The following SMURF2 variants were observed in gnomAD, a reference collection of about 807,000 sequenced individuals.
SMURF2 encodes the protein E3 ubiquitin-protein ligase SMURF2.
A neutral mutation model predicts 109.6 loss-of-function variants in SMURF2; 48 were observed. That is an observed-to-expected ratio of 0.44 (90% confidence interval 0.35 to 0.56). The LOEUF is 0.56. Among genes scored for constraint, SMURF2 ranks in the 20% least tolerant of loss-of-function variants. SMURF2 has a pLI of 0.01. For synonymous variants in SMURF2, 288 were observed against 317.1 expected, an observed-to-expected ratio of 0.91 and a Z score of 0.97; for missense variants, 575 against 909.0, an observed-to-expected ratio of 0.63 and a Z score of 4.72.
In SMURF2 at chr17:64,661,813, C is replaced by T; in HGVS notation, c.52+16G>A. On this transcript the variant is annotated intron_variant, in intron 1 of 18. Coordinates refer to ENST00000262435, the MANE Select transcript of SMURF2 (RefSeq NM_022739.4). ...CACCCCGCGGCTGCCCAGCCCGGCC[C>T]GCCGCCCCCCCTCACCTGTCAGGCG... 8.2e-7 allele frequency: 1 copy of T among 1,220,728 alleles called. No individual in the cohort carries two copies. 75.6% of individuals were successfully genotyped at this position (1,220,728 alleles called of 1,614,324 possible). A position where few individuals can be genotyped will look rare whatever the true frequency, so the allele number is the denominator to read the frequency against.
intron 1 of SMURF2, among the ~76,000 whole-genome samples, chr17:64,655,713 C>A (rs1360390873): frequency 6.6e-6 from 1 of 151,898 alleles, no homozygotes; most frequent in African/African-American, 2.4e-5. Context: ...ATGGTGTAAA[C>A]CCATCTCCAC....
intron 1 of SMURF2, among the ~76,000 whole-genome samples, chr17:64,625,026 T>C (rs1011848152): frequency 7.2e-5 from 11 of 152,126 alleles, no homozygotes; most frequent in African/African-American, 2.4e-4. Flanking sequence ...CTTGGGAAAC[T>C]AGCATTCACA....
intron 1 of SMURF2, among the ~76,000 whole-genome samples, chr17:64,622,961 C>T (rs1970224389): frequency 6.6e-6 from 1 of 152,118 alleles, no homozygotes; most frequent in Non-Finnish European, 1.5e-5. Context: ...TTGTTTTGTA[C>T]TTTGGGTTAT....
At chr17:64,566,451 G>T (rs1390063833) in intron 10 of SMURF2, among the ~76,000 whole-genome samples, 5 of 150,970 alleles carry the variant, frequency 3.3e-5, no homozygotes, top group African/African-American at 1.2e-4. Context: ...GATCTATCAG[G>T]TTAGGGACTT....
At chr17:64,546,114 A>C (rs1555683086) in intron 18 of SMURF2, 149 bp downstream of exon 18, 1 of 932,116 alleles carries the variant, frequency 1.1e-6, no homozygotes, top group African/African-American at 1.7e-5. Flanking sequence ...ATTTCCGAAT[A>C]ATCTTAACTT....
chr17:64,651,573 G>GAA (rs199534087), intron 1 of SMURF2, among the ~76,000 whole-genome samples: 1 of 112,480 alleles, frequency 8.9e-6, no homozygotes, highest in East Asian at 2.5e-4. Context: ...CCCTACCTCA[G>GAA]AAAAAAAAAA....
At chr17:64,611,035 A>C (rs911966802) in intron 1 of SMURF2, among the ~76,000 whole-genome samples, 13 of 152,166 alleles carry the variant, frequency 8.5e-5, no homozygotes, top group African/African-American at 2.9e-4. Flanking sequence ...CTGGTTCTAC[A>C]CGGCATAAAA....
At chr17:64,559,617 G>C (rs1969182390) in intron 12 of SMURF2, among the ~76,000 whole-genome samples, 1 of 150,958 alleles carries the variant, frequency 6.6e-6, no homozygotes, top group Non-Finnish European at 1.5e-5. Context: ...AAAAAAAACT[G>C]ACTACGAGCC....
At chr17:64,546,139 T>C (rs1968951207) in intron 18 of SMURF2, 124 bp downstream of exon 18, 1 of 1,012,694 alleles carries the variant, frequency 9.9e-7, no homozygotes, top group African/African-American at 1.6e-5. Flanking sequence ...ATCACTTAAG[T>C]TGCTTATCAT....
intron 1 of SMURF2, among the ~76,000 whole-genome samples, chr17:64,626,478 C>G (rs542101560): frequency 1.6e-4 from 24 of 151,946 alleles, no homozygotes; most frequent in African/African-American, 5.3e-4. Context: ...AAAAACTTAC[C>G]TGGGCCAGGC....
intron 6 of SMURF2, among the ~76,000 whole-genome samples, chr17:64,585,421 TG>T (rs1231996300): frequency 1.3e-5 from 2 of 152,222 alleles, no homozygotes; most frequent in African/African-American, 4.8e-5. Flanking sequence ...GTGCCTTACC[TG>T]AATTATTTCA....
chr17:64,557,104 T>C (rs1270863299), intron 13 of SMURF2, among the ~76,000 whole-genome samples: 1 of 152,202 alleles, frequency 6.6e-6, no homozygotes, highest in Non-Finnish European at 1.5e-5. Flanking sequence ...AGTAATGTAG[T>C]TGATAGAGTT....
chr17:64,546,413 G>A, intron 17 of SMURF2, 75 bp from the exon 18 acceptor site: 1 of 1,319,156 alleles, frequency 7.6e-7, no homozygotes, highest in Non-Finnish European at 1.1e-6. Flanking sequence ...GAATAAAACT[G>A]GTAAGTTAAC....
At position 64,571,810 on chromosome 17, in the gene SMURF2, T is replaced by C. The variant is rs1969402582; in HGVS notation, c.1004A>G (p.His335Arg). ...TTCAAAAACTTACTTTAAAACTAAA[T>C]GCAAGTTAGCAGACAGCCGAGGATC... ...FTDPRLSANL[H>R]LVLNRQNQLK... The change falls in exon 10 of 19, where the codon CAT becomes CGT. Residue 335 changes from histidine to arginine, a missense_variant. His to Arg is a conservative substitution (Grantham distance 29). This residue lies in a region of SMURF2 where 361 missense variants were observed against 612.1 expected (regional missense o/e 0.59). Coordinates refer to ENST00000262435, the MANE Select transcript of SMURF2 (RefSeq NM_022739.4). The C allele has an allele frequency of 6.2e-6, 10 of 1,608,354 alleles. No individual in the cohort carries two copies. Among genetic ancestry groups the C allele is most frequent in the African/African-American group, 1.3e-5 (1 of 74,672 alleles).
chr17:64,610,682 C>T (rs1970031741), intron 1 of SMURF2, among the ~76,000 whole-genome samples: 1 of 152,150 alleles, frequency 6.6e-6, no homozygotes, highest in African/African-American at 2.4e-5. Flanking sequence ...GTGCAACAAA[C>T]CACCATGGTA....
chr17:64,554,920 G>A lies in SMURF2; in HGVS notation c.1684C>T (p.His562Tyr), dbSNP rs1555683906. 3 of 1,613,020 alleles carry A rather than the reference G, an allele frequency of 1.9e-6. No homozygotes were observed. The South Asian group carries it at 3.3e-5, about 18-fold the overall frequency. The change falls in exon 15 of 19, where the codon CAT (histidine) becomes TAT (tyrosine). Residue 562 changes from histidine to tyrosine, a missense_variant. Physicochemically the swap from His to Tyr is moderately conservative, Grantham distance 83. This residue lies in a region of SMURF2 where 361 missense variants were observed against 612.1 expected (regional missense o/e 0.59). Coordinates refer to ENST00000262435, the MANE Select transcript of SMURF2 (RefSeq NM_022739.4). Reference sequence around the variant, plus strand: ...CTTTTGCCATTTGGTTTAAGTTCATGCTGAATAATTTCACCATATGCATTA... The same window carrying A: ...CTTTTGCCATTTGGTTTAAGTTCATACTGAATAATTTCACCATATGCATTA... ...EHNAYGEIIQ[H>Y]ELKPNGKSIP...
chr17:64,542,387 A>G lies in SMURF2; in HGVS notation c.*3461T>C, dbSNP rs1968886086. On this transcript the variant is annotated 3_prime_UTR_variant, in exon 19 of 19. Transcript: ENST00000262435. ...TAATTTTTAAAAACCATTTATACAG[A>G]TGTTACTGATAAAGCTCATGTAACA... is the stretch of plus-strand genomic sequence containing the variant. The G allele has an allele frequency of 6.6e-6, 1 of 152,180 alleles. No individual in the cohort carries two copies. Among genetic ancestry groups the G allele is most frequent in the South Asian group, 2.1e-4 (1 of 4,824 alleles). The allele number at this position is 152,180 out of a possible 1,614,324, so 9.4% of individuals were successfully genotyped here. A position where few individuals can be genotyped will look rare whatever the true frequency, so the allele number is the denominator to read the frequency against.
intron 1 of SMURF2, among the ~76,000 whole-genome samples, chr17:64,631,540 G>A (rs1970349223): frequency 6.6e-6 from 1 of 152,016 alleles, no homozygotes; most frequent in African/African-American, 2.4e-5. Flanking sequence ...GTCCAGAGAG[G>A]AGAATTAACT....
intron 9 of SMURF2, among the ~76,000 whole-genome samples, 182 bp from the exon 10 acceptor site, chr17:64,572,138 T>G (rs572335595): frequency 6.6e-6 from 1 of 152,326 alleles, no homozygotes; most frequent in Non-Finnish European, 1.5e-5. Context: ...CAAAGCCCAA[T>G]CCATAAATGG....
Sources: gnomAD v4.1 joint callset for allele counts (sites outside exome capture counted in the v4.1 genomes callset) on GRCh38, gnomAD v4.1.1 for gene constraint, gnomAD v4.1.1 regional missense constraint, MANE v1.5 for transcripts, NCBI Gene and HGNC (gene_info 2026-07-23, HGNC 2026-07-21) for gene names.